The following ZNF605 variants were observed in gnomAD, a reference collection of about 807,000 sequenced individuals.
ZNF605 encodes the protein zinc finger protein 605.
A neutral mutation model predicts 7.9 loss-of-function variants in ZNF605; 9 were observed. The observed-to-expected ratio is 1.14, with a 90% CI of 0.68 to 1.98. The LOEUF is 1.98. ZNF605 is among the 30% of genes most tolerant of loss of function. The pLI is 0.00. For missense variants in ZNF605, 673 were observed against 762.4 expected, an observed-to-expected ratio of 0.88 and a Z score of 1.38; for synonymous variants, 255 against 260.1, an observed-to-expected ratio of 0.98 and a Z score of 0.19.
chr12:132,920,028 T>TG lies in ZNF605; in HGVS notation c.*5344dup, dbSNP rs1364003534. The TG allele has an allele frequency of 6.6e-6, 1 of 151,448 alleles. No individual in the cohort carries two copies. Among genetic ancestry groups the TG allele is most frequent in the African/African-American group, 2.4e-5 (1 of 41,150 alleles). 9.4% of individuals were successfully genotyped at this position (151,448 alleles called of 1,614,324 possible). On this transcript the variant is annotated 3_prime_UTR_variant, in exon 5 of 5. Coordinates refer to ENST00000360187, the MANE Select transcript of ZNF605 (RefSeq NM_183238.4). ...CTAATTTTTGCATTTTTAGTAGAGATGGGGTTTCACCATATTGGCCAGGCT... is the reference window on the plus strand; with the variant it reads ...CTAATTTTTGCATTTTTAGTAGAGATGGGGGTTTCACCATATTGGCCAGGCT...
At chr12:132,932,705 TTCC>T in intron 4 of ZNF605, 5 of 1,515,884 alleles carry the variant, frequency 3.3e-6, no homozygotes, top group Non-Finnish European at 3.5e-6. Flanking sequence ...AACCTGATTA[TTCC>T]TCACCTGAAA....
intron 3 of ZNF605, among the ~76,000 whole-genome samples, chr12:132,939,714 G>A (rs113710129): frequency 0.022 from 3,404 of 152,256 alleles, 125 homozygotes; most frequent in African/African-American, 0.077. Flanking sequence ...CAACCCGCTC[G>A]GGTCCTCTTC....
At chr12:132,939,667 TAGG>T (rs1474218054) in intron 3 of ZNF605, among the ~76,000 whole-genome samples, 20 of 152,262 alleles carry the variant, frequency 1.3e-4, no homozygotes, top group Non-Finnish European at 2.4e-4. Context: ...TGGGGCCAGA[TAGG>T]AGAATAAAAG....
At chr12:132,936,906 T>C (rs959261438) in intron 3 of ZNF605, among the ~76,000 whole-genome samples, 3 of 152,134 alleles carry the variant, frequency 2.0e-5, no homozygotes, top group Non-Finnish European at 2.9e-5. Context: ...TGAAAGACAA[T>C]GTTAAGAGAA....
chr12:132,954,041 A>C (rs1314302432), intron 1 of ZNF605, among the ~76,000 whole-genome samples: 3 of 151,758 alleles, frequency 2.0e-5, no homozygotes, highest in South Asian at 4.2e-4. Flanking sequence ...CGAGCCAATA[A>C]AACTGTCCCC....
chr12:132,938,112 C>T (rs1952387116), intron 3 of ZNF605, among the ~76,000 whole-genome samples: 1 of 151,990 alleles, frequency 6.6e-6, no homozygotes, highest in Non-Finnish European at 1.5e-5. Flanking sequence ...TCCCAAGTAG[C>T]TGGGACTACA....
At chr12:132,951,350 TAC>T (rs1311757467) in intron 1 of ZNF605, among the ~76,000 whole-genome samples, 15 of 144,308 alleles carry the variant, frequency 1.0e-4, no homozygotes, top group South Asian at 4.5e-4. Context: ...CACAGACACG[TAC>T]ACACAGATAC....
At chr12:132,942,962 G>A (rs915039299) in intron 3 of ZNF605, among the ~76,000 whole-genome samples, 5 of 152,194 alleles carry the variant, frequency 3.3e-5, no homozygotes, top group Admixed American at 1.3e-4. Flanking sequence ...TTATTGTCAC[G>A]GCCCGTCAAA....
At chr12:132,929,044 CA>C (rs140441684) in intron 4 of ZNF605, among the ~76,000 whole-genome samples, 5 of 151,078 alleles carry the variant, frequency 3.3e-5, no homozygotes, top group Admixed American at 6.6e-5. Flanking sequence ...CAAAACAAAA[CA>C]AAAAAACCCC....
At chr12:132,953,163 C>T (rs1221078903) in intron 1 of ZNF605, among the ~76,000 whole-genome samples, 1 of 152,206 alleles carries the variant, frequency 6.6e-6, no homozygotes, top group Non-Finnish European at 1.5e-5. Context: ...ACCCCATCAA[C>T]CCCACTCTCA....
At chr12:132,946,520 T>C (rs1190520695) in intron 2 of ZNF605, among the ~76,000 whole-genome samples, 1 of 152,208 alleles carries the variant, frequency 6.6e-6, no homozygotes, top group Non-Finnish European at 1.5e-5. Flanking sequence ...CCGGAACAGA[T>C]ACTGCCTGCA....
intron 3 of ZNF605, among the ~76,000 whole-genome samples, chr12:132,944,341 G>C (rs1952476897): frequency 6.6e-6 from 1 of 152,162 alleles, no homozygotes; most frequent in Admixed American, 6.5e-5. Flanking sequence ...GGAAAGGCAG[G>C]GAAAGGGTGA....
intron 3 of ZNF605, among the ~76,000 whole-genome samples, chr12:132,934,690 G>C (rs1268863130): frequency 8.1e-6 from 1 of 123,172 alleles, no homozygotes; most frequent in Non-Finnish European, 1.6e-5. Flanking sequence ...TGGTGACAGA[G>C]CAAGATTCCG....
At position 132,956,249 on chromosome 12, in the gene ZNF605, G is replaced by A. The variant is rs1952636922; in HGVS notation, c.-292C>T. 1 of 152,142 alleles carries A rather than the reference G, an allele frequency of 6.6e-6. No individual in the cohort carries two copies. Among genetic ancestry groups the A allele is most frequent in the Admixed American group, 6.5e-5 (1 of 15,278 alleles). The allele number at this position is 152,142 out of a possible 1,614,324, so 9.4% of individuals were successfully genotyped here. A position where few individuals can be genotyped will look rare whatever the true frequency, so the allele number is the denominator to read the frequency against. On this transcript the variant is annotated 5_prime_UTR_variant, in exon 1 of 5. Coordinates refer to ENST00000360187, the MANE Select transcript of ZNF605 (RefSeq NM_183238.4). Reference sequence around the variant, plus strand: ...CCGCTGCACGCTCCCTTACCCCTCGGACCTCGCAGGGCCGCGGCGGACACG... The same window carrying A: ...CCGCTGCACGCTCCCTTACCCCTCGAACCTCGCAGGGCCGCGGCGGACACG...
rs12315945 is a variant in ZNF605, at chr12:132,946,863, C to T, written c.-162-1066G>A. 7.9e-5 allele frequency among the ~76,000 whole-genome samples: 12 copies of T among 152,274 alleles called. No homozygotes were observed. The East Asian group carries it at 9.7e-4, about 12-fold the overall frequency. On this transcript the variant is annotated intron_variant, in intron 2 of 4. Coordinates refer to ENST00000360187, the MANE Select transcript of ZNF605 (RefSeq NM_183238.4). Reference sequence around the variant, plus strand: ...CCTGGCCTTCAGCCCTTCCCTCACGCGCATCTCCAGACCACGTGGGGGAGC... The same window carrying T: ...CCTGGCCTTCAGCCCTTCCCTCACGTGCATCTCCAGACCACGTGGGGGAGC...
intron 3 of ZNF605, chr12:132,945,290 A>T: frequency 2.3e-6 from 2 of 857,518 alleles, no homozygotes; most frequent in Non-Finnish European, 3.9e-6. Context: ...TCTATAATCT[A>T]CTTTGTGCTT....
chr12:132,955,539 G>A (rs1178243097), intron 1 of ZNF605, among the ~76,000 whole-genome samples: 3 of 152,146 alleles, frequency 2.0e-5, no homozygotes, highest in Non-Finnish European at 4.4e-5. Context: ...GTCATATAGG[G>A]AACGGGAGAT....
chr12:132,926,269 T>C lies in ZNF605; in HGVS notation c.1030A>G (p.Lys344Glu). The change falls in exon 5 of 5, where the codon AAA becomes GAA. Residue 344 changes from lysine (K) to glutamate (E), a missense_variant. Lys to Glu is a moderately conservative substitution (Grantham distance 56). Coordinates refer to ENST00000360187, the MANE Select transcript of ZNF605 (RefSeq NM_183238.4). ...KKPYGCGECQ[K>E]AFSRNSLLIR... ...AGAAGTGAGTTCCTGCTGAAGGCTT[T>C]TTGACACTCACCACATCCGTAAGGT... 1 of 1,614,114 alleles carries C rather than the reference T, an allele frequency of 6.2e-7. No individual in the cohort carries two copies.
chr12:132,937,158 A>G (rs1272420127), intron 3 of ZNF605, among the ~76,000 whole-genome samples: 7 of 152,294 alleles, frequency 4.6e-5, no homozygotes, highest in African/African-American at 1.4e-4. Flanking sequence ...CAGGAGTTCA[A>G]GACCAGCCTG....
Sources: allele counts gnomAD v4.1 joint callset (sites outside exome capture counted in the v4.1 genomes callset), GRCh38; gene constraint gnomAD v4.1.1; transcripts MANE v1.5; gene names NCBI Gene and HGNC (gene_info 2026-07-23, HGNC 2026-07-21).